The following SORCS3 variants were observed in gnomAD, a reference collection of about 807,000 sequenced individuals.
SORCS3 encodes VPS10 domain-containing receptor SorCS3.
SORCS3 carries 57 observed loss-of-function variants against 146.3 expected under a neutral mutation model. That is an observed-to-expected ratio of 0.39 (90% confidence interval 0.31 to 0.49). The LOEUF (loss-of-function observed/expected upper bound fraction) is 0.49. SORCS3 is among the 20% of genes least tolerant of loss of function. The probability of loss-of-function intolerance (pLI) is 0.92; values close to 1 mark genes in which losing one functional copy is unlikely to be tolerated. For missense variants in SORCS3, 1,341 were observed against 1,575.5 expected (o/e 0.85, Z 2.52); for synonymous variants, 653 against 618.5 (o/e 1.06, Z -0.83).
At chr10:104,905,811 G>A (rs949730097) in intron 2 of SORCS3, among the ~76,000 whole-genome samples, 6 of 152,180 alleles carry the variant, frequency 3.9e-5, no homozygotes, top group East Asian at 1.9e-4. Flanking sequence ...GGAGGATGGC[G>A]GCAGAAGGAG....
intron 7 of SORCS3, among the ~76,000 whole-genome samples, chr10:105,134,714 G>A (rs980368530): frequency 3.3e-5 from 5 of 152,088 alleles, no homozygotes; most frequent in Admixed American, 1.3e-4. Flanking sequence ...AGGAATTTAG[G>A]AGAGGACAGA....
At chr10:105,028,005 G>A (rs790663) in intron 4 of SORCS3, among the ~76,000 whole-genome samples, 80,627 of 152,148 alleles carry the variant, frequency 0.53, 23,793 homozygotes, top group African/African-American at 0.81. Context: ...CCAGAGACAC[G>A]TAGATACTTA....
intron 2 of SORCS3, among the ~76,000 whole-genome samples, chr10:104,895,267 T>C (rs2018787355): frequency 1.3e-5 from 2 of 152,188 alleles, no homozygotes; most frequent in Non-Finnish European, 2.9e-5. Flanking sequence ...ACCCCAAATA[T>C]TTTCCTTCCT....
intron 5 of SORCS3, among the ~76,000 whole-genome samples, chr10:105,047,761 C>T (rs557727988): frequency 3.9e-5 from 6 of 152,120 alleles, no homozygotes; most frequent in East Asian, 1.9e-4. Flanking sequence ...TGCTTAAGGC[C>T]GGCTTACACA....
chr10:104,743,526 T>A (rs1195678973), intron 1 of SORCS3, among the ~76,000 whole-genome samples: 1 of 152,114 alleles, frequency 6.6e-6, no homozygotes, highest in Admixed American at 6.5e-5. Flanking sequence ...TAGAAGGCAG[T>A]GGGGGAGATG....
chr10:105,056,459 TCAGATTGTGAAGCACCTCACATGC>T (rs1228281991), intron 5 of SORCS3, among the ~76,000 whole-genome samples: 2 of 152,194 alleles, frequency 1.3e-5, no homozygotes, highest in Non-Finnish European at 2.9e-5. Flanking sequence ...TAGACCAGAT[TCAGATTGTGAAGCACCTCACATGC>T]CAGATAAGTG....
At chr10:105,159,016 C>G in intron 11 of SORCS3, 22 bp downstream of exon 11, 4 of 1,527,472 alleles carry the variant, frequency 2.6e-6, no homozygotes, top group Non-Finnish European at 3.6e-6. Flanking sequence ...ATTCCCTGTG[C>G]TTCTTCCTTA....
intron 5 of SORCS3, among the ~76,000 whole-genome samples, chr10:105,069,159 C>T (rs1159222240): frequency 6.6e-6 from 1 of 152,186 alleles, no homozygotes. Flanking sequence ...ATCTCTCCAC[C>T]CATACCCCAC....
chr10:104,657,091 G>C (rs1304665201), intron 1 of SORCS3, among the ~76,000 whole-genome samples: 2 of 152,154 alleles, frequency 1.3e-5, no homozygotes, highest in Non-Finnish European at 2.9e-5. Flanking sequence ...CAGTTATCAA[G>C]AAGCATGTGT....
At chr10:105,145,689 T>A (rs2056126356) in intron 8 of SORCS3, among the ~76,000 whole-genome samples, 1 of 152,140 alleles carries the variant, frequency 6.6e-6, no homozygotes, top group African/African-American at 2.4e-5. Flanking sequence ...ACACGGTTTT[T>A]AAGAGTAAGC....
chr10:105,103,067 A>G (rs2055797146), intron 6 of SORCS3, among the ~76,000 whole-genome samples: 2 of 152,006 alleles, frequency 1.3e-5, no homozygotes, highest in Admixed American at 6.6e-5. Flanking sequence ...CAATTATAAA[A>G]ATAAGGAAAT....
intron 1 of SORCS3, among the ~76,000 whole-genome samples, chr10:104,655,630 G>T (rs1208885336): frequency 2.0e-5 from 3 of 152,290 alleles, no homozygotes; most frequent in Non-Finnish European, 4.4e-5. Context: ...CCCCATTGTT[G>T]GAGGTGGGGC....
intron 3 of SORCS3, among the ~76,000 whole-genome samples, chr10:104,922,887 T>C (rs1248665750): frequency 6.6e-6 from 1 of 152,206 alleles, no homozygotes; most frequent in South Asian, 2.1e-4. Flanking sequence ...GATACCCTTA[T>C]ATGTGTGAGA....
chr10:104,658,728 CATG>C (rs560678793), intron 1 of SORCS3, among the ~76,000 whole-genome samples: 1 of 151,916 alleles, frequency 6.6e-6, no homozygotes. Context: ...GATTATTGTG[CATG>C]ATGATGATGA....
intron 20 of SORCS3, among the ~76,000 whole-genome samples, chr10:105,240,010 T>G (rs546113258): frequency 3.9e-5 from 6 of 152,340 alleles, no homozygotes; most frequent in African/African-American, 1.4e-4. Context: ...GGGGACCAAG[T>G]GTTCCCATTC....
At chr10:105,207,573 A>G (rs2056610660) in intron 16 of SORCS3, among the ~76,000 whole-genome samples, 1 of 152,138 alleles carries the variant, frequency 6.6e-6, no homozygotes, top group African/African-American at 2.4e-5. Context: ...TTTCCCCAGG[A>G]AGCTGGAGAA....
rs2056337246 is a variant in SORCS3, at chr10:105,168,956, A to G, written c.1901+1607A>G. Reference sequence around the variant, plus strand: ...TGTAATTGTTTCTTATCCTTTTACTACTGATTTATATAGTTTTTTGGTAGT... The same window carrying G: ...TGTAATTGTTTCTTATCCTTTTACTGCTGATTTATATAGTTTTTTGGTAGT... On this transcript the variant is annotated intron_variant, in intron 13 of 26. Transcript: ENST00000369701. Among the ~76,000 whole-genome samples the G allele has an allele frequency of 3.9e-5, 6 of 152,238 alleles. No homozygotes were observed. The South Asian group carries it at 1.2e-3, about 32-fold the overall frequency.
At chr10:105,014,669 G>C (rs937683881) in intron 4 of SORCS3, among the ~76,000 whole-genome samples, 9 of 150,464 alleles carry the variant, frequency 6.0e-5, no homozygotes, top group Non-Finnish European at 1.0e-4. Flanking sequence ...AAAATGCTGT[G>C]GTCTGAATGT....
At chr10:104,686,660 A>G (rs1219582241) in intron 1 of SORCS3, among the ~76,000 whole-genome samples, 1 of 152,044 alleles carries the variant, frequency 6.6e-6, no homozygotes, top group East Asian at 1.9e-4. Context: ...CTCCTTATGC[A>G]TTCCTATCTG....
Sources: gnomAD v4.1 joint callset for allele counts (sites outside exome capture counted in the v4.1 genomes callset) on GRCh38, gnomAD v4.1.1 for gene constraint, MANE v1.5 for transcripts, NCBI Gene and HGNC (gene_info 2026-07-23, HGNC 2026-07-21) for gene names.